Variants in CDH13 observed in about 807,000 individuals in gnomAD.
The protein encoded by CDH13 is cadherin 13, also known as cadherin-13.
A neutral mutation model predicts 63.8 loss-of-function variants in CDH13; 24 were observed. That is an observed-to-expected ratio of 0.38 (90% CI 0.27 to 0.53). The LOEUF (loss-of-function observed/expected upper bound fraction) is 0.53, where lower values mean the gene tolerates loss of function less well. CDH13 is among the 20% of genes least tolerant of loss of function. The probability of loss-of-function intolerance (pLI) is 0.85; values close to 1 mark genes in which losing one functional copy is unlikely to be tolerated. For synonymous variants in CDH13, 503 were observed against 355.3 expected (o/e 1.42, Z -4.67); for missense variants, 1,049 against 903.1 (o/e 1.16, Z -2.07).
At chr16:82,672,794 C>CACAT (rs1443680326) in intron 1 of CDH13, among the ~76,000 whole-genome samples, 1 of 148,440 alleles carries the variant, frequency 6.7e-6, no homozygotes, top group Non-Finnish European at 1.5e-5. Context: ...CACACACACA[C>CACAT]ACACACATAC....
At chr16:83,004,712 C>G (rs1913298212) in intron 2 of CDH13, among the ~76,000 whole-genome samples, 1 of 152,100 alleles carries the variant, frequency 6.6e-6, no homozygotes. Flanking sequence ...AGGCTGGCCT[C>G]AAACTCCTGA....
chr16:83,467,095 C>T (rs936131452), intron 6 of CDH13, among the ~76,000 whole-genome samples: 1 of 152,098 alleles, frequency 6.6e-6, no homozygotes, highest in Non-Finnish European at 1.5e-5. Context: ...ATTTACTTCT[C>T]GATACAAGAA....
intron 3 of CDH13, among the ~76,000 whole-genome samples, chr16:83,107,986 C>T (rs905869952): frequency 6.6e-6 from 1 of 151,912 alleles, no homozygotes; most frequent in Admixed American, 6.6e-5. Context: ...AGCCACCCAG[C>T]TAATTTTTGT....
chr16:82,918,529 G>A (rs1411278883), intron 2 of CDH13, among the ~76,000 whole-genome samples: 1 of 126,036 alleles, frequency 7.9e-6, no homozygotes, highest in African/African-American at 3.0e-5. Flanking sequence ...TTTTTTTTGA[G>A]ACATAGTGTC....
intron 6 of CDH13, among the ~76,000 whole-genome samples, chr16:83,478,527 A>G (rs2073671514): frequency 6.6e-6 from 1 of 152,188 alleles, no homozygotes; most frequent in Non-Finnish European, 1.5e-5. Flanking sequence ...GGACCACCAT[A>G]TGAAAATGTG....
chr16:83,226,832 C>G (rs1224908338), intron 5 of CDH13, among the ~76,000 whole-genome samples: 1 of 151,946 alleles, frequency 6.6e-6, no homozygotes, highest in Non-Finnish European at 1.5e-5. Flanking sequence ...GGGACCAGAT[C>G]CCCAAATGCA....
intron 5 of CDH13, among the ~76,000 whole-genome samples, chr16:83,298,862 T>C (rs1351093284): frequency 6.6e-6 from 1 of 152,228 alleles, no homozygotes; most frequent in East Asian, 1.9e-4. Flanking sequence ...TCTTTTCCAA[T>C]AACAGCATTA....
intron 11 of CDH13, among the ~76,000 whole-genome samples, chr16:83,770,768 A>G (rs1914706005): frequency 6.6e-6 from 1 of 152,124 alleles, no homozygotes; most frequent in South Asian, 2.1e-4. Flanking sequence ...ACGAGAGGTC[A>G]CCCTTGTCAC....
chr16:83,256,831 C>T (rs57655434), intron 5 of CDH13, among the ~76,000 whole-genome samples: 2,375 of 118,082 alleles, frequency 0.02, 63 homozygotes, highest in African/African-American at 0.069. Context: ...GGCGACGGAG[C>T]GAGACTCCAT....
chr16:83,498,543 T>C (rs2074200205), intron 7 of CDH13, among the ~76,000 whole-genome samples: 1 of 152,146 alleles, frequency 6.6e-6, no homozygotes, highest in Admixed American at 6.5e-5. Context: ...CATGTGTCAG[T>C]CCCTAGAAAA....
intron 1 of CDH13, among the ~76,000 whole-genome samples, chr16:82,674,408 G>A (rs1913654115): frequency 6.6e-6 from 1 of 152,184 alleles, no homozygotes; most frequent in Admixed American, 6.5e-5. Context: ...TGAGATTAAA[G>A]CAAATGAAGG....
At chr16:83,152,783 A>T (rs761581596) in intron 4 of CDH13, among the ~76,000 whole-genome samples, 1 of 152,214 alleles carries the variant, frequency 6.6e-6, no homozygotes, top group African/African-American at 2.4e-5. Context: ...TTTCCTTGGA[A>T]ATAGGGTTGT....
Position 83,125,586 on chromosome 16 carries a change from C to A in CDH13, c.483+85C>A, listed in dbSNP as rs934252382. ...GACTGAGTATGACTGTCTTGGTGACCAGCTGGAATTAGTCTTCATCTGTCT... is the reference window on the plus strand; with the variant it reads ...GACTGAGTATGACTGTCTTGGTGACAAGCTGGAATTAGTCTTCATCTGTCT... On this transcript the variant is annotated intron_variant, in intron 4 of 13. Transcript: ENST00000567109. The A allele has an allele frequency of 2.4e-4, 174 of 714,358 alleles. 2 individuals carry two copies. In the South Asian group the frequency reaches 2.9e-3, roughly 12 times the overall value. 44.3% of individuals were successfully genotyped at this position (714,358 alleles called of 1,614,324 possible). A position where few individuals can be genotyped will look rare whatever the true frequency, so the allele number is the denominator to read the frequency against.
chr16:82,952,221 G>A (rs1905395326), intron 2 of CDH13, among the ~76,000 whole-genome samples: 1 of 152,162 alleles, frequency 6.6e-6, no homozygotes, highest in African/African-American at 2.4e-5. Context: ...AAGCGCATGG[G>A]CCTGAGTTCA....
intron 1 of CDH13, among the ~76,000 whole-genome samples, chr16:82,670,856 T>G (rs1235810626): frequency 6.6e-6 from 1 of 152,224 alleles, no homozygotes; most frequent in Non-Finnish European, 1.5e-5. Flanking sequence ...GTTTAGTACC[T>G]GAGATATAAA....
intron 2 of CDH13, among the ~76,000 whole-genome samples, chr16:83,027,881 T>C (rs1915963901): frequency 6.6e-6 from 1 of 152,162 alleles, no homozygotes; most frequent in Admixed American, 6.5e-5. Context: ...TTTATAAGAG[T>C]AGTAAATTGA....
chr16:82,694,982 A>G (rs549930460), intron 1 of CDH13, among the ~76,000 whole-genome samples: 51 of 152,302 alleles, frequency 3.3e-4, no homozygotes, highest in African/African-American at 1.2e-3. Flanking sequence ...AGGAAAACAC[A>G]TAATGGTGCA....
Position 82,858,452 on chromosome 16 carries a change from G to A in CDH13, c.136G>A (p.Glu46Lys), listed in dbSNP as rs757029218. 46 of 1,610,142 alleles carry A rather than the reference G, an allele frequency of 2.9e-5. No homozygotes were observed. Among genetic ancestry groups the A allele is most frequent in the Non-Finnish European group, 3.2e-5 (38 of 1,176,570 alleles). ...TATCAATCAGCCAGCTGAATTCATT[G>A]AGGACCAGTCAATTCTAAACTGTAA... is the stretch of plus-strand genomic sequence containing the variant. ...FHINQPAEFI[E>K]DQSILNLTFS... Residue 46 changes from glutamate (E) to lysine (K), a missense_variant, in exon 2 of 14, where the codon GAG becomes AAG. Physicochemically the swap from Glu to Lys is moderately conservative, Grantham distance 56. Transcript: ENST00000567109.
At chr16:83,058,059 C>A (rs2031131936) in intron 3 of CDH13, among the ~76,000 whole-genome samples, 1 of 152,182 alleles carries the variant, frequency 6.6e-6, no homozygotes, top group Admixed American at 6.5e-5. Context: ...ATATTTACTT[C>A]TAAAACTATG....
Sources: gnomAD v4.1 joint callset for allele counts (sites outside exome capture counted in the v4.1 genomes callset) on GRCh38, gnomAD v4.1.1 for gene constraint, MANE v1.5 for transcripts, NCBI Gene and HGNC (gene_info 2026-07-23, HGNC 2026-07-21) for gene names.